MYO9A: variants seen among roughly 807,000 people sequenced by gnomAD.
The protein encoded by MYO9A is myosin IXA, also known as unconventional myosin-IXa.
In MYO9A, 103 loss-of-function variants were observed where a neutral mutation model predicts 293.3. The observed-to-expected ratio is 0.35, with a 90% confidence interval of 0.30 to 0.41. The LOEUF (loss-of-function observed/expected upper bound fraction) is 0.41. Ranked by LOEUF, MYO9A falls within the 10% of genes least tolerant of loss-of-function variation. The pLI, the probability that MYO9A is intolerant of heterozygous loss-of-function variation, is 1.00. For synonymous variants in MYO9A, 1,001 were observed against 1,035.7 expected (o/e 0.97, Z 0.64); for missense variants, 2,685 against 3,033.0 (o/e 0.89, Z 2.69).
chr15:71,850,275 G>T, intron 37 of MYO9A, 108 bp from the exon 38 acceptor site: 1 of 1,269,048 alleles, frequency 7.9e-7, no homozygotes. Context: ...GACATGAACT[G>T]CATAGTACTA....
At chr15:71,841,557 C>T (rs141276981) in intron 39 of MYO9A, among the ~76,000 whole-genome samples, 2,166 of 152,194 alleles carry the variant, frequency 0.014, 30 homozygotes, top group Non-Finnish European at 0.023. Context: ...CTAGGTTAAA[C>T]CCTCCTTGGT....
intron 16 of MYO9A, 149 bp from the exon 17 acceptor site, chr15:71,935,633 A>C: frequency 2.8e-6 from 2 of 719,126 alleles, no homozygotes; most frequent in Non-Finnish European, 4.4e-6. Flanking sequence ...AATGACTGCC[A>C]ATCAGTTGGG....
chr15:71,921,707 T>C (rs1421994641), intron 18 of MYO9A, among the ~76,000 whole-genome samples: 1 of 152,180 alleles, frequency 6.6e-6, no homozygotes, highest in Non-Finnish European at 1.5e-5. Flanking sequence ...ATATATTCAA[T>C]AAGTAAAAAG....
chr15:71,943,292 T>C (rs904382465), intron 15 of MYO9A, among the ~76,000 whole-genome samples: 2 of 152,164 alleles, frequency 1.3e-5, no homozygotes, highest in East Asian at 3.9e-4. Flanking sequence ...ATTATACTGA[T>C]TTCCTAAACT....
chr15:72,010,564 C>G (rs2077143266), intron 6 of MYO9A, 117 bp from the exon 7 acceptor site: 4 of 795,794 alleles, frequency 5.0e-6, no homozygotes, highest in South Asian at 4.0e-5. Context: ...CAAATTAGAG[C>G]TGGTAGAATA....
rs762411403 is a variant in MYO9A, at chr15:71,899,859, C to T, written c.3298G>A (p.Ala1100Thr). The change falls in exon 24 of 42, where the codon GCA becomes ACA. Residue 1100 changes from alanine (A) to threonine (T), a missense_variant. Coordinates refer to ENST00000356056, the MANE Select transcript of MYO9A (RefSeq NM_006901.4). ...ERQRYLELRAAAIVIQQKWRD... is the reference protein window; with the variant it reads ...ERQRYLELRATAIVIQQKWRD... ...CATTTCTGCTGGATAACGATGGCTG[C>T]AGCCCGTAACTCCAAGTACCGCTGC... 1.2e-5 allele frequency: 20 copies of T among 1,614,034 alleles called. No homozygotes were observed. Among genetic ancestry groups the T allele is most frequent in the African/African-American group, 5.3e-5 (4 of 74,926 alleles).
intron 39 of MYO9A, among the ~76,000 whole-genome samples, chr15:71,847,130 A>C (rs2055421623): frequency 6.6e-6 from 1 of 152,236 alleles, no homozygotes; most frequent in Non-Finnish European, 1.5e-5. Flanking sequence ...TTAATGATTC[A>C]ACCAAAGAAG....
chr15:71,881,704 A>G (rs2056878304), intron 28 of MYO9A, among the ~76,000 whole-genome samples: 1 of 152,208 alleles, frequency 6.6e-6, no homozygotes, highest in Non-Finnish European at 1.5e-5. Flanking sequence ...AATATAAATA[A>G]AAAGCTATAA....
At chr15:71,862,054 C>T (rs940719050) in intron 33 of MYO9A, among the ~76,000 whole-genome samples, 2 of 152,144 alleles carry the variant, frequency 1.3e-5, no homozygotes, top group African/African-American at 4.8e-5. Context: ...ATCACTTGAA[C>T]CTGGGAAGCA....
chr15:72,032,633 A>AT (rs368689705), intron 2 of MYO9A, 45 bp from the exon 3 acceptor site: 276 of 1,226,822 alleles, frequency 2.2e-4, no homozygotes, highest in South Asian at 4.1e-4. Context: ...AAAAAAAAAA[A>AT]TTTTTTTTTG....
chr15:71,862,442 T>G (rs917457303), intron 33 of MYO9A, 58 bp downstream of exon 33: 10 of 1,346,092 alleles, frequency 7.4e-6, no homozygotes, highest in Non-Finnish European at 1.1e-5. Context: ...ATAAGACAAC[T>G]CAAGGAAACA....
chr15:72,039,236 G>A (rs1333104080), intron 2 of MYO9A, among the ~76,000 whole-genome samples: 4 of 152,008 alleles, frequency 2.6e-5, no homozygotes, highest in South Asian at 4.1e-4. Flanking sequence ...GTATTCACTC[G>A]TGAGTAGCAA....
chr15:71,868,889 T>G (rs1596069166), intron 32 of MYO9A, among the ~76,000 whole-genome samples: 1 of 152,262 alleles, frequency 6.6e-6, no homozygotes, highest in African/African-American at 2.4e-5. Context: ...AAAAATAAAT[T>G]ATATCAGTGC....
Position 71,999,910 on chromosome 15 carries a change from C to T in MYO9A, c.1411G>A (p.Val471Ile). The change falls in exon 9 of 42, where the codon GTT (valine) becomes ATT (isoleucine). Residue 471 changes from valine (V) to isoleucine (I), a missense_variant. Transcript: ENST00000356056. ...CCCACTGTCACCGTCTTCCTTGTAA[C>T]TAATGCTTCAAATAGCATCTCTTCT... ...VKEEMLFEAL[V>I]TRKTVTVGEK... 2 of 1,612,618 alleles carry T rather than the reference C, an allele frequency of 1.2e-6. No individual in the cohort carries two copies. The highest frequency in any genetic ancestry group is 1.7e-6 in the Non-Finnish European group (2 of 1,179,486).
At chr15:72,017,548 T>C (rs939362267) in intron 6 of MYO9A, among the ~76,000 whole-genome samples, 1 of 152,200 alleles carries the variant, frequency 6.6e-6, no homozygotes, top group African/African-American at 2.4e-5. Context: ...TATCAGAATC[T>C]ATAAATTTAT....
intron 1 of MYO9A, among the ~76,000 whole-genome samples, chr15:72,087,009 AC>A (rs2079758512): frequency 6.6e-6 from 1 of 152,086 alleles, no homozygotes; most frequent in African/African-American, 2.4e-5. Flanking sequence ...CAGGTGATCC[AC>A]CTGCCTCGGC....
At chr15:71,849,033 G>C in intron 38 of MYO9A, 65 bp from the exon 39 acceptor site, 1 of 1,431,492 alleles carries the variant, frequency 7.0e-7, no homozygotes, top group Non-Finnish European at 9.3e-7. Flanking sequence ...AGCACTCACA[G>C]ACTGTTTTTG....
chr15:71,939,407 AT>A (rs2058716679), intron 15 of MYO9A, among the ~76,000 whole-genome samples: 1 of 152,182 alleles, frequency 6.6e-6, no homozygotes, highest in African/African-American at 2.4e-5. Flanking sequence ...CTTCGTGTTC[AT>A]AAGTTTTTAT....
chr15:71,960,968 GATAA>G (rs1175321401), intron 13 of MYO9A, among the ~76,000 whole-genome samples: 18 of 152,172 alleles, frequency 1.2e-4, no homozygotes, highest in Non-Finnish European at 2.4e-4. Flanking sequence ...TGGAAGATTA[GATAA>G]ATAAATAGGC....
Sources: allele counts gnomAD v4.1 joint callset (sites outside exome capture counted in the v4.1 genomes callset), GRCh38; gene constraint gnomAD v4.1.1; transcripts MANE v1.5; gene names NCBI Gene and HGNC (gene_info 2026-07-23, HGNC 2026-07-21).